The following RBFOX1 variants were observed in gnomAD, a reference collection of about 807,000 sequenced individuals.
RBFOX1 encodes the protein RNA binding protein fox-1 homolog 1.
A neutral mutation model predicts 57.7 loss-of-function variants in RBFOX1; 8 were observed. That is an observed-to-expected ratio of 0.14 (90% CI 0.08 to 0.25). The LOEUF is 0.25. Ranked by LOEUF, RBFOX1 falls within the 10% of genes least tolerant of loss-of-function variation. The pLI is 1.00. For synonymous variants in RBFOX1, 326 were observed against 222.4 expected, an observed-to-expected ratio of 1.47 and a Z score of -4.15; for missense variants, 611 against 548.5, an observed-to-expected ratio of 1.11 and a Z score of -1.14.
At chr16:7,222,586 C>T (rs1364401117) in intron 4 of RBFOX1, among the ~76,000 whole-genome samples, 2 of 152,186 alleles carry the variant, frequency 1.3e-5, no homozygotes, top group Non-Finnish European at 2.9e-5. Context: ...GGCTGTTGTT[C>T]CTGCCTGGGT....
At chr16:5,689,232 C>T (rs17510083) in intron 3 of RBFOX1, among the ~76,000 whole-genome samples, 29,681 of 152,202 alleles carry the variant, frequency 0.2, 4,231 homozygotes, top group East Asian at 0.65. Context: ...TTATCAGCTC[C>T]ATCACTTATG....
chr16:5,592,756 C>T (rs2047051753), intron 2 of RBFOX1, among the ~76,000 whole-genome samples: 1 of 152,146 alleles, frequency 6.6e-6, no homozygotes, highest in Non-Finnish European at 1.5e-5. Context: ...TGTGTTCATC[C>T]AACAGCCATG....
At position 5,569,438 on chromosome 16, in the gene RBFOX1, C is replaced by CTTTTTTTTTTTTTTTTTTTTTT. The variant is rs796279138; in HGVS notation, c.259-29456_259-29435dup. ...GTAAGGGTTAATGATAAGAAGTAACCTTTTTTTTTTTTTTTTTTTTTTTTT... is the reference window on the plus strand; with the variant it reads ...GTAAGGGTTAATGATAAGAAGTAACCTTTTTTTTTTTTTTTTTTTTTTTTTTTTTTTTTTTTTTTTTTTTTTT... On this transcript the variant is annotated intron_variant, in intron 2 of 2. Transcript: ENST00000585867. Among the ~76,000 whole-genome samples, 28 of 49,206 alleles carry CTTTTTTTTTTTTTTTTTTTTTT rather than the reference C, an allele frequency of 5.7e-4. 2 individuals are homozygous for CTTTTTTTTTTTTTTTTTTTTTT. Among genetic ancestry groups the CTTTTTTTTTTTTTTTTTTTTTT allele is most frequent in the Non-Finnish European group, 9.2e-4 (23 of 25,004 alleles). The allele number at this position is 49,206 out of a possible 152,430, so 32.3% of individuals were successfully genotyped here. A position where few individuals can be genotyped will look rare whatever the true frequency, so the allele number is the denominator to read the frequency against.
rs552745159 is a variant in RBFOX1, at chr16:6,336,677, A to T, written c.-64+19620A>T. On this transcript the variant is annotated intron_variant, in intron 2 of 15. Transcript: ENST00000550418. Reference sequence around the variant, plus strand: ...TGTCTCCTCATCTCTGAAAGCCATAAGATTCTGTAAAGAGGTGGGGGGGAA... The same window carrying T: ...TGTCTCCTCATCTCTGAAAGCCATATGATTCTGTAAAGAGGTGGGGGGGAA... Among the ~76,000 whole-genome samples the T allele has an allele frequency of 3.3e-5, 5 of 152,218 alleles. No individual in the cohort carries two copies. In the East Asian group the frequency reaches 9.7e-4, roughly 29 times the overall value.
intron 3 of RBFOX1, among the ~76,000 whole-genome samples, chr16:6,667,851 C>G (rs2098742277): frequency 6.6e-6 from 1 of 151,810 alleles, no homozygotes; most frequent in South Asian, 2.1e-4. Context: ...GTCGTACCAC[C>G]ACACTCCAGC....
intron 1 of RBFOX1, among the ~76,000 whole-genome samples, chr16:6,314,959 A>G (rs1227305966): frequency 6.6e-6 from 1 of 152,118 alleles, no homozygotes; most frequent in Non-Finnish European, 1.5e-5. Context: ...TCCTTGATGG[A>G]GCCTTCCCCA....
At chr16:6,974,918 C>A (rs1011394489) in intron 3 of RBFOX1, among the ~76,000 whole-genome samples, 1 of 152,038 alleles carries the variant, frequency 6.6e-6, no homozygotes, top group East Asian at 1.9e-4. Flanking sequence ...TGTCCTGGAC[C>A]CTCCCTCTTT....
chr16:7,574,625 C>T (rs769329474), intron 5 of RBFOX1, among the ~76,000 whole-genome samples: 32 of 152,256 alleles, frequency 2.1e-4, no homozygotes, highest in Non-Finnish European at 3.5e-4. Flanking sequence ...CCTTTGCCTA[C>T]TTTTATCCTA....
chr16:5,621,818 G>T (rs2048209271), intron 3 of RBFOX1, among the ~76,000 whole-genome samples: 1 of 152,142 alleles, frequency 6.6e-6, no homozygotes. Context: ...GTGCAAATGT[G>T]TATCTATCCA....
intron 4 of RBFOX1, among the ~76,000 whole-genome samples, chr16:5,958,071 T>C (rs914986444): frequency 1.8e-4 from 27 of 152,204 alleles, no homozygotes; most frequent in African/African-American, 6.5e-4. Flanking sequence ...CCAAAGAATC[T>C]ACTGCACTTC....
At chr16:5,245,632 G>C (rs1324882269) in intron 1 of RBFOX1, among the ~76,000 whole-genome samples, 1 of 152,126 alleles carries the variant, frequency 6.6e-6, no homozygotes, top group Non-Finnish European at 1.5e-5. Context: ...GTAGAGATGA[G>C]GTTTGGCCAG....
At chr16:6,641,438 G>A (rs2098486711) in intron 2 of RBFOX1, among the ~76,000 whole-genome samples, 1 of 152,016 alleles carries the variant, frequency 6.6e-6, no homozygotes, top group Admixed American at 6.6e-5. Flanking sequence ...ATCCTCATTA[G>A]AATTTTTGCC....
At chr16:6,077,878 C>G (rs562469147) in intron 1 of RBFOX1, among the ~76,000 whole-genome samples, 1 of 152,022 alleles carries the variant, frequency 6.6e-6, no homozygotes. Flanking sequence ...ACGGTTGTGA[C>G]TAATGTTAGG....
At chr16:5,962,722 A>G (rs1443562882) in intron 4 of RBFOX1, among the ~76,000 whole-genome samples, 1 of 152,098 alleles carries the variant, frequency 6.6e-6, no homozygotes, top group Non-Finnish European at 1.5e-5. Flanking sequence ...AAAAGTGGTA[A>G]TAGTGTGTAT....
Position 6,019,245 on chromosome 16 carries a change from CCCTCGATCA to C in RBFOX1, c.-871_-863del. ...TGGCCGTCTGGGTGCACACACCGCT[CCCTCGATCA>C]CCCCAGCCCCCTTCCTGGTCTCCCG... is the stretch of plus-strand genomic sequence containing the variant. On this transcript the variant is annotated 5_prime_UTR_variant, in exon 1 of 16. Coordinates refer to ENST00000550418, the MANE Select transcript of RBFOX1 (RefSeq NM_018723.4). The surrounding 1 kb of genome is among the most constrained non-coding windows in gnomAD (Gnocchi z 4.2). 1 of 985,294 alleles carries C rather than the reference CCCTCGATCA, an allele frequency of 1.0e-6. No individual in the cohort carries two copies. Among genetic ancestry groups the C allele is most frequent in the African/African-American group, 1.7e-5 (1 of 57,304 alleles). The allele number at this position is 985,294 out of a possible 1,614,324, so 61.0% of individuals were successfully genotyped here.
intron 3 of RBFOX1, among the ~76,000 whole-genome samples, chr16:6,771,311 C>G (rs2078253760): frequency 6.6e-6 from 1 of 152,124 alleles, no homozygotes; most frequent in Admixed American, 6.5e-5. Flanking sequence ...GCAGCCCTGG[C>G]AAGCTGACAC....
At chr16:7,051,050 A>G (rs1318206700) in intron 3 of RBFOX1, among the ~76,000 whole-genome samples, 1 of 152,204 alleles carries the variant, frequency 6.6e-6, no homozygotes, top group East Asian at 1.9e-4. Context: ...CTAAACCTTC[A>G]TATCCCTTAG....
chr16:5,382,679 A>T (rs1478413663), intron 1 of RBFOX1, among the ~76,000 whole-genome samples: 1 of 152,132 alleles, frequency 6.6e-6, no homozygotes, highest in African/African-American at 2.4e-5. Flanking sequence ...AATTGTGCTG[A>T]CCTCATTTAA....
chr16:6,864,369 A>G (rs758355767), intron 3 of RBFOX1, among the ~76,000 whole-genome samples: 4 of 152,168 alleles, frequency 2.6e-5, no homozygotes, highest in Non-Finnish European at 5.9e-5. Flanking sequence ...TCAGACTGCA[A>G]TAAAGGAAGG....
Sources: allele counts gnomAD v4.1 joint callset (sites outside exome capture counted in the v4.1 genomes callset), GRCh38; gene constraint gnomAD v4.1.1; non-coding constraint Gnocchi (gnomAD v3.1); transcripts MANE v1.5; gene names NCBI Gene and HGNC (gene_info 2026-07-23, HGNC 2026-07-21).